ZNF91: variants seen among roughly 807,000 people sequenced by gnomAD.
ZNF91 encodes zinc finger protein 91 (HPF7, HTF10).
ZNF91 carries 7 observed loss-of-function variants against 12.6 expected under a neutral mutation model. The observed-to-expected ratio is 0.55, with a 90% CI of 0.31 to 1.04. The LOEUF is 1.04. Among genes scored for constraint, ZNF91 ranks in the 50% least tolerant of loss-of-function variants. The pLI, the probability that ZNF91 is intolerant of heterozygous loss-of-function variation, is 0.05. For missense variants in ZNF91, 1,217 were observed against 1,385.4 expected (o/e 0.88, Z 1.93); for synonymous variants, 453 against 462.6 (o/e 0.98, Z 0.27).
chr19:23,323,671 C>G (rs928625757), intron 1 of ZNF91, among the ~76,000 whole-genome samples: 1 of 121,648 alleles, frequency 8.2e-6, no homozygotes, highest in African/African-American at 4.1e-5. Flanking sequence ...TTCCTCTTCT[C>G]TCCTCCTCCT....
intron 3 of ZNF91, among the ~76,000 whole-genome samples, chr19:23,371,704 C>A (rs955325883): frequency 1.3e-5 from 2 of 152,048 alleles, no homozygotes; most frequent in African/African-American, 4.8e-5. Context: ...GTCTAGAAAA[C>A]GGCAATGTTT....
intron 3 of ZNF91, among the ~76,000 whole-genome samples, chr19:23,351,910 C>T (rs1446744457): frequency 6.6e-6 from 1 of 152,160 alleles, no homozygotes; most frequent in Admixed American, 6.5e-5. Context: ...AATCCCGAAG[C>T]AGCCCATTCC....
intron 3 of ZNF91, 28 bp from the exon 4 acceptor site, chr19:23,362,753 A>G (rs754449788): frequency 2.1e-5 from 29 of 1,413,670 alleles, no homozygotes; most frequent in African/African-American, 4.4e-5. Flanking sequence ...AAAATAATAA[A>G]TTACTCCACT....
chr19:23,383,611 C>A (rs373752506), intron 1 of ZNF91, among the ~76,000 whole-genome samples: 2 of 151,824 alleles, frequency 1.3e-5, no homozygotes, highest in Admixed American at 1.3e-4. Context: ...TCGCTTGAAC[C>A]CAGAAGGCAG....
intron 1 of ZNF91, among the ~76,000 whole-genome samples, chr19:23,330,434 A>G (rs139560041): frequency 8.2e-4 from 125 of 152,290 alleles, no homozygotes; most frequent in Non-Finnish European, 1.3e-3. Context: ...TGTCATCCAC[A>G]TGACTCACCA....
intron 3 of ZNF91, chr19:23,339,192 A>C (rs2145879785): frequency 6.6e-6 from 1 of 152,320 alleles, no homozygotes; most frequent in South Asian, 2.1e-4. Context: ...ATATTAACAC[A>C]AACAGAAACC....
intron 3 of ZNF91, among the ~76,000 whole-genome samples, chr19:23,306,446 C>T (rs915428674): frequency 6.6e-6 from 1 of 152,180 alleles, no homozygotes; most frequent in African/African-American, 2.4e-5. Flanking sequence ...GCGCTGCTCA[C>T]AGGGGAATTG....
chr19:23,385,619 C>A lies in ZNF91; in HGVS notation c.30+9706G>T, dbSNP rs186640035. ...CAGGATTGGCACTAGCTACAAAGGG[C>A]TGGACGTGTCACATTAGAAATTTAC... On this transcript the variant is annotated intron_variant, in intron 1 of 3. Transcript: ENST00000300619. 2.0e-5 allele frequency among the ~76,000 whole-genome samples: 3 copies of A among 152,278 alleles called. No homozygotes were observed. In the East Asian group the frequency reaches 5.8e-4, roughly 29 times the overall value.
rs1466986523 is a variant in ZNF91, at chr19:23,358,969, GTTATC to G, written c.*429_*433del. On this transcript the variant is annotated 3_prime_UTR_variant, in exon 4 of 4. Transcript: ENST00000300619. ...CTTGTAAGATTTCTCTCCAATATGAGTTATCTTATCTGTAGTAAGGTGTGAAAACT... is the reference window on the plus strand; with the variant it reads ...CTTGTAAGATTTCTCTCCAATATGAGTTATCTGTAGTAAGGTGTGAAAACT... 22 of 384,754 alleles carry G rather than the reference GTTATC, an allele frequency of 5.7e-5. No individual in the cohort carries two copies. The highest frequency in any genetic ancestry group is 3.8e-4 in the African/African-American group (18 of 46,844). The allele number at this position is 384,754 out of a possible 1,614,324, so 23.8% of individuals were successfully genotyped here. A position where few individuals can be genotyped will look rare whatever the true frequency, so the allele number is the denominator to read the frequency against.
At chr19:23,367,387 T>A (rs960897966) in intron 3 of ZNF91, among the ~76,000 whole-genome samples, 1 of 151,634 alleles carries the variant, frequency 6.6e-6, no homozygotes, top group African/African-American at 2.4e-5. Flanking sequence ...AAACTGGAGA[T>A]TAAAACTGAA....
rs1384570226 is a variant in ZNF91, at chr19:23,322,349, G to C, written n.117-13252C>G. ...CTACTGTTTGGTCTCTGACCAAAAA[G>C]GGATTGTGATGTATCACTAGGCCCA... On this transcript the variant is annotated intron_variant and non_coding_transcript_variant, in intron 1 of 1. Coordinates refer to the ZNF91 transcript ENST00000596528. Among the ~76,000 whole-genome samples the C allele has an allele frequency of 2.6e-5, 4 of 152,142 alleles. No homozygotes were observed. The East Asian group carries it at 7.7e-4, about 29-fold the overall frequency.
chr19:23,337,563 C>G (rs1337285316), downstream of ZNF91, among the ~76,000 whole-genome samples: 1 of 149,512 alleles, frequency 6.7e-6, no homozygotes. Flanking sequence ...AATATAAAGA[C>G]ACATAAAGAC....
intron 3 of ZNF91, among the ~76,000 whole-genome samples, chr19:23,370,301 G>A (rs138644811): frequency 2.0e-5 from 3 of 151,912 alleles, no homozygotes; most frequent in East Asian, 3.9e-4. Context: ...GTAACGAAAC[G>A]ATAAATGTTA....
At chr19:23,347,635 G>A (rs1254058707) in intron 3 of ZNF91, among the ~76,000 whole-genome samples, 2 of 152,120 alleles carry the variant, frequency 1.3e-5, no homozygotes, top group African/African-American at 4.8e-5. Flanking sequence ...ATCCTCCAAA[G>A]CCTCCACAAC....
At chr19:23,323,198 TCTC>T (rs1054429775) in intron 1 of ZNF91, among the ~76,000 whole-genome samples, 10 of 145,300 alleles carry the variant, frequency 6.9e-5, no homozygotes, top group Admixed American at 1.4e-4. Context: ...CTATCCACAT[TCTC>T]CTCTTCCTCT....
chr19:23,310,035 C>T (rs1271002914), intron 1 of ZNF91, among the ~76,000 whole-genome samples: 1 of 152,168 alleles, frequency 6.6e-6, no homozygotes, highest in Non-Finnish European at 1.5e-5. Flanking sequence ...CTAAACCCAG[C>T]TCTGGCAGGT....
At chr19:23,374,559 CAAAAAAAA>C in intron 2 of ZNF91, 71 bp downstream of exon 2, 9 of 888,102 alleles carry the variant, frequency 1.0e-5, no homozygotes, top group East Asian at 9.9e-5. Context: ...GACTCTGTCT[CAAAAAAAA>C]AAAAAAAAAA....
At chr19:23,314,214 CAG>C (rs1967514882), upstream of ZNF91, among the ~76,000 whole-genome samples, 1 of 152,178 alleles carries the variant, frequency 6.6e-6, no homozygotes, top group Non-Finnish European at 1.5e-5. Context: ...ATTCTGCGAA[CAG>C]GGGGAATTGT....
At chr19:23,368,542 C>CTA (rs1192607940) in intron 3 of ZNF91, among the ~76,000 whole-genome samples, 6 of 130,000 alleles carry the variant, frequency 4.6e-5, no homozygotes, top group South Asian at 5.1e-4. Flanking sequence ...CTCTCTCTCT[C>CTA]TCTCTCTCTC....
Sources: gnomAD v4.1 joint callset for allele counts (sites outside exome capture counted in the v4.1 genomes callset) on GRCh38, gnomAD v4.1.1 for gene constraint, MANE v1.5 for transcripts, NCBI Gene and HGNC (gene_info 2026-07-23, HGNC 2026-07-21) for gene names.